The following MACROD2 variants were observed in gnomAD, a reference collection of about 807,000 sequenced individuals.
MACROD2 encodes ADP-ribose glycohydrolase MACROD2.
Under a neutral mutation model 70.4 loss-of-function variants are expected in MACROD2, and 36 were observed. That is an observed-to-expected ratio of 0.51 (90% CI 0.39 to 0.68). The LOEUF (loss-of-function observed/expected upper bound fraction) is 0.68. MACROD2 is among the 30% of genes least tolerant of loss of function. The probability of loss-of-function intolerance (pLI) is 0.00; values close to 1 mark genes in which losing one functional copy is unlikely to be tolerated. For synonymous variants in MACROD2, 172 were observed against 178.8 expected (o/e 0.96, Z 0.30); for missense variants, 496 against 538.4 (o/e 0.92, Z 0.78).
intron 3 of MACROD2, among the ~76,000 whole-genome samples, chr20:14,396,666 C>A (rs1347025203): frequency 6.6e-6 from 1 of 152,066 alleles, no homozygotes; most frequent in African/African-American, 2.4e-5. Context: ...TGGCTCACGC[C>A]TGTAATCCCA....
At chr20:14,416,107 C>T (rs1204918562) in intron 3 of MACROD2, among the ~76,000 whole-genome samples, 1 of 151,890 alleles carries the variant, frequency 6.6e-6, no homozygotes, top group Non-Finnish European at 1.5e-5. Context: ...TACAGGCACA[C>T]ACCACCACGC....
chr20:14,237,663 G>C (rs1289041656), intron 3 of MACROD2, among the ~76,000 whole-genome samples: 3 of 151,540 alleles, frequency 2.0e-5, no homozygotes, highest in Admixed American at 1.3e-4. Context: ...TTTAGCATTA[G>C]GTATATCTCC....
At chr20:15,804,563 AG>A (rs2147077159) in intron 8 of MACROD2, among the ~76,000 whole-genome samples, 1 of 152,338 alleles carries the variant, frequency 6.6e-6, no homozygotes, top group East Asian at 1.9e-4. Context: ...AACGTTTTAG[AG>A]CATGTGCGTT....
chr20:15,496,145 C>T lies in MACROD2; in HGVS notation c.572-3629C>T, dbSNP rs940780071. On this transcript the variant is annotated intron_variant, in intron 7 of 17. Coordinates refer to ENST00000684519, the MANE Select transcript of MACROD2 (RefSeq NM_001351661.2). ...TTGGGGAGTGGCTTGAAGCTAGAGT[C>T]GGCTTCAAATGATTGTGATGCTTGT... 1.2e-4 allele frequency among the ~76,000 whole-genome samples: 19 copies of T among 152,268 alleles called. 1 individual carries two copies. The highest frequency in any genetic ancestry group is 2.9e-4 in the African/African-American group (12 of 41,562).
intron 3 of MACROD2, among the ~76,000 whole-genome samples, chr20:14,484,692 T>C (rs547295459): frequency 4.1e-4 from 63 of 152,288 alleles, no homozygotes; most frequent in Non-Finnish European, 7.4e-5. Context: ...ACATGCAAAA[T>C]TTGTCTTTCT....
At chr20:14,085,046 G>T in intron 2 of MACROD2, among the ~76,000 whole-genome samples, 1 of 137,074 alleles carries the variant, frequency 7.3e-6, no homozygotes. Context: ...GGGTGGTGGG[G>T]GAGAGGTGGG....
chr20:15,711,200 G>A (rs1048139605), intron 8 of MACROD2, among the ~76,000 whole-genome samples: 1 of 152,128 alleles, frequency 6.6e-6, no homozygotes, highest in Non-Finnish European at 1.5e-5. Context: ...GTGAATTAAG[G>A]CTTATTTTCT....
chr20:15,810,576 G>GA (rs2063810221), intron 8 of MACROD2, among the ~76,000 whole-genome samples: 1 of 152,052 alleles, frequency 6.6e-6, no homozygotes, highest in Admixed American at 6.6e-5. Context: ...CACAGAATTG[G>GA]AAAAAACTAC....
intron 3 of MACROD2, among the ~76,000 whole-genome samples, chr20:14,463,051 G>GT (rs1295375440): frequency 6.6e-6 from 1 of 152,036 alleles, no homozygotes; most frequent in Non-Finnish European, 1.5e-5. Context: ...CTTTAAAGTA[G>GT]TTTTTTCCAA....
chr20:15,822,352 G>C (rs944669769), intron 8 of MACROD2, among the ~76,000 whole-genome samples: 1 of 152,042 alleles, frequency 6.6e-6, no homozygotes, highest in African/African-American at 2.4e-5. Context: ...CAAATGATAT[G>C]TGATACATCC....
At chr20:14,137,477 T>C (rs946927696) in intron 3 of MACROD2, among the ~76,000 whole-genome samples, 2 of 152,190 alleles carry the variant, frequency 1.3e-5, no homozygotes, top group African/African-American at 2.4e-5. Flanking sequence ...GTAAGGCAGG[T>C]CTAGAGGTGA....
chr20:15,995,517 T>TG (rs2066615915), intron 15 of MACROD2, among the ~76,000 whole-genome samples: 1 of 136,640 alleles, frequency 7.3e-6, no homozygotes, highest in African/African-American at 3.3e-5. Flanking sequence ...GCCCGGCTAA[T>TG]TTTTTTGTAT....
At chr20:14,653,408 C>T (rs1016919188) in intron 4 of MACROD2, among the ~76,000 whole-genome samples, 2 of 151,574 alleles carry the variant, frequency 1.3e-5, no homozygotes, top group Admixed American at 6.6e-5. Flanking sequence ...TTAGTAGAGA[C>T]GGAGTTTCAC....
At chr20:14,689,560 A>G (rs1219985727) in intron 5 of MACROD2, among the ~76,000 whole-genome samples, 3 of 152,034 alleles carry the variant, frequency 2.0e-5, no homozygotes, top group Non-Finnish European at 4.4e-5. Context: ...ACTACTTACA[A>G]CCTTTTGTAT....
intron 4 of MACROD2, among the ~76,000 whole-genome samples, chr20:14,618,536 C>T (rs6135209): frequency 0.11 from 17,008 of 152,128 alleles, 1,370 homozygotes; most frequent in South Asian, 0.33. Context: ...TCTGTGTTAG[C>T]TGCTATCTCG....
intron 8 of MACROD2, among the ~76,000 whole-genome samples, chr20:15,715,241 G>C (rs145999294): frequency 6.6e-6 from 1 of 151,914 alleles, no homozygotes; most frequent in African/African-American, 2.4e-5. Flanking sequence ...AAAAAATCTG[G>C]CTGCAATTCT....
At chr20:15,104,425 G>A (rs956711155) in intron 5 of MACROD2, among the ~76,000 whole-genome samples, 6 of 152,076 alleles carry the variant, frequency 3.9e-5, no homozygotes, top group Non-Finnish European at 5.9e-5. Context: ...GTGCTTTAAC[G>A]TATACTTGGT....
chr20:14,175,793 T>C (rs1481295748), intron 3 of MACROD2, among the ~76,000 whole-genome samples: 6 of 152,190 alleles, frequency 3.9e-5, no homozygotes, highest in African/African-American at 4.8e-5. Flanking sequence ...CAAGCAGATA[T>C]TGGGTGACAG....
intron 5 of MACROD2, among the ~76,000 whole-genome samples, chr20:14,822,134 C>T (rs1362189545): frequency 1.3e-5 from 2 of 152,058 alleles, no homozygotes; most frequent in African/African-American, 4.8e-5. Context: ...TTTCTAGCAT[C>T]TTGTACAAAA....
Sources: gnomAD v4.1 joint callset for allele counts (sites outside exome capture counted in the v4.1 genomes callset) on GRCh38, gnomAD v4.1.1 for gene constraint, MANE v1.5 for transcripts, NCBI Gene and HGNC (gene_info 2026-07-23, HGNC 2026-07-21) for gene names.